Variants in GLDC observed in about 807,000 individuals in gnomAD.
The protein encoded by GLDC is glycine dehydrogenase (decarboxylating), mitochondrial.
In GLDC, 104 loss-of-function variants were observed where a neutral mutation model predicts 121.3. The observed-to-expected ratio is 0.86, with a 90% confidence interval of 0.73 to 1.01. The LOEUF (loss-of-function observed/expected upper bound fraction) is 1.01, where lower values mean the gene tolerates loss of function less well. Ranked by LOEUF, GLDC falls within the 50% of genes least tolerant of loss-of-function variation. The probability of loss-of-function intolerance (pLI) is 0.00; values close to 1 mark genes in which losing one functional copy is unlikely to be tolerated. For missense variants in GLDC, 1,429 were observed against 1,306.6 expected (o/e 1.09, Z -1.44); for synonymous variants, 546 against 480.6 (o/e 1.14, Z -1.78).
intron 15 of GLDC, chr9:6,566,301 T>C (rs964380061): frequency 6.6e-6 from 1 of 151,888 alleles, no homozygotes; most frequent in Non-Finnish European, 1.5e-5. Flanking sequence ...GAACTTCAGT[T>C]TTTTCCTTTT....
chr9:6,564,751 T>C (rs1220704926), intron 16 of GLDC, among the ~76,000 whole-genome samples: 1 of 152,172 alleles, frequency 6.6e-6, no homozygotes, highest in Admixed American at 6.5e-5. Context: ...GTGGTGTCCA[T>C]TAGTACCTGC....
rs60203144 is a variant in GLDC at position 6,629,957 on chromosome 9, A to ATTT, written c.335-9641_335-9639dup. 3.2e-3 allele frequency among the ~76,000 whole-genome samples: 264 copies of ATTT among 83,058 alleles called. 12 individuals are homozygous for ATTT. Among genetic ancestry groups the ATTT allele is most frequent in the South Asian group, 0.016 (40 of 2,570 alleles). 54.5% of individuals were successfully genotyped at this position (83,058 alleles called of 152,430 possible). Reference sequence around the variant, plus strand: ...TATATATATATATGTATATATATATATTTTTTTTTTTTAAGAGAGACAAGG... The same window carrying ATTT: ...TATATATATATATGTATATATATATATTTTTTTTTTTTTTTAAGAGAGACAAGG... On this transcript the variant is annotated intron_variant, in intron 2 of 24. Transcript: ENST00000321612.
intron 2 of GLDC, among the ~76,000 whole-genome samples, chr9:6,623,774 C>A (rs1284971538): frequency 6.6e-6 from 1 of 152,120 alleles, no homozygotes; most frequent in African/African-American, 2.4e-5. Context: ...AGTAAAAATG[C>A]AATAAACCCA....
At chr9:6,569,516 G>A (rs1383231524) in intron 15 of GLDC, among the ~76,000 whole-genome samples, 1 of 152,092 alleles carries the variant, frequency 6.6e-6, no homozygotes, top group African/African-American at 2.4e-5. Context: ...GCTGGGTGTG[G>A]TGGTGGGCAC....
chr9:6,592,762 T>C (rs779855483), intron 10 of GLDC, 89 bp downstream of exon 10: 28 of 1,332,878 alleles, frequency 2.1e-5, no homozygotes, highest in Non-Finnish European at 3.0e-5. Flanking sequence ...GTTTTCCTTT[T>C]TATTTTTTAA....
At chr9:6,602,319 G>C in intron 7 of GLDC, 114 bp from the exon 8 acceptor site, 1 of 729,084 alleles carries the variant, frequency 1.4e-6, no homozygotes, top group Non-Finnish European at 2.5e-6. Flanking sequence ...AAATGCACTT[G>C]GGTGCAAATT....
chr9:6,570,854 C>CAA lies in GLDC; in HGVS notation c.1851-5427_1851-5426dup, dbSNP rs34740127. On this transcript the variant is annotated intron_variant, in intron 15 of 24. Coordinates refer to ENST00000321612, the MANE Select transcript of GLDC (RefSeq NM_000170.3). Reference sequence around the variant, plus strand: ...GCGCAACAAGAGCAAAACTCTGTCTCAAAAAAAAAAAAAAAAAAAGTTTCT... The same window carrying CAA: ...GCGCAACAAGAGCAAAACTCTGTCTCAAAAAAAAAAAAAAAAAAAAAGTTTCT... Among the ~76,000 whole-genome samples the CAA allele has an allele frequency of 3.0e-3, 295 of 98,964 alleles. 4 individuals carry two copies. The highest frequency in any genetic ancestry group is 4.8e-3 in the African/African-American group (123 of 25,486). The allele number at this position is 98,964 out of a possible 152,430, so 64.9% of individuals were successfully genotyped here.
chr9:6,627,893 C>T (rs1819279105), intron 2 of GLDC, among the ~76,000 whole-genome samples: 1 of 152,218 alleles, frequency 6.6e-6, no homozygotes, highest in African/African-American at 2.4e-5. Flanking sequence ...CAGACCCACT[C>T]ATGAAATATC....
chr9:6,587,789 C>T (rs534106935), intron 14 of GLDC, among the ~76,000 whole-genome samples: 1 of 152,000 alleles, frequency 6.6e-6, no homozygotes, highest in Admixed American at 6.6e-5. Flanking sequence ...CACAGCAAGA[C>T]CTTGACTCTA....
intron 11 of GLDC, among the ~76,000 whole-genome samples, 160 bp from the exon 12 acceptor site, chr9:6,589,452 G>A (rs145140309): frequency 4.9e-4 from 74 of 151,956 alleles, no homozygotes; most frequent in African/African-American, 1.3e-3. Context: ...ATTTTTGGAG[G>A]CAGGGTCTTT....
chr9:6,615,919 G>A (rs893596446), intron 3 of GLDC, among the ~76,000 whole-genome samples: 2 of 151,182 alleles, frequency 1.3e-5, no homozygotes, highest in Non-Finnish European at 2.9e-5. Context: ...GGCCTAATCA[G>A]GATTTTCTTT....
chr9:6,603,631 C>G (rs113719228), intron 7 of GLDC, among the ~76,000 whole-genome samples: 1 of 152,064 alleles, frequency 6.6e-6, no homozygotes, highest in African/African-American at 2.4e-5. Context: ...ATGTTAAAGT[C>G]CAGCTTTTAT....
rs34948145 is a variant in GLDC at position 6,550,734 on chromosome 9, G to T, written c.2569+69C>A. 0.18 allele frequency: 159,308 copies of T among 896,808 alleles called. 15,515 individuals carry two copies. The highest frequency in any genetic ancestry group is 0.31 in the East Asian group (13,060 of 41,664). The allele number at this position is 896,808 out of a possible 1,614,324, so 55.6% of individuals were successfully genotyped here. On this transcript the variant is annotated intron_variant, in intron 21 of 24. Coordinates refer to ENST00000321612, the MANE Select transcript of GLDC (RefSeq NM_000170.3). ...AGTCTCTTGCCCATGTCAGAAAAGC[G>T]CATCTAGGTCAAACTTAGTTTGGCC...
chr9:6,645,292 G>A lies in GLDC; in HGVS notation c.208C>T (p.Pro70Ser). Residue 70 changes from proline (P) to serine (S), a missense_variant, in exon 1 of 25, where the codon CCT (proline) becomes TCT (serine). Coordinates refer to ENST00000321612, the MANE Select transcript of GLDC (RefSeq NM_000170.3). ...HDDFARRHIGPGDKDQREMLQ... is the reference protein window; with the variant it reads ...HDDFARRHIGSGDKDQREMLQ... ...ATCTCTCTCTGGTCTTTGTCCCCAG[G>A]GCCGATGTGCCTCCGAGCGAAGTCG... is the stretch of plus-strand genomic sequence containing the variant. 6.2e-7 allele frequency: 1 copy of A among 1,602,818 alleles called. No individual in the cohort carries two copies. Among genetic ancestry groups the A allele is most frequent in the Non-Finnish European group, 8.5e-7 (1 of 1,175,432 alleles).
intron 6 of GLDC, 109 bp from the exon 7 acceptor site, chr9:6,604,893 T>C (rs573076664): frequency 1.4e-4 from 128 of 942,878 alleles, no homozygotes; most frequent in Middle Eastern, 9.6e-4. Context: ...TGTGTTCACA[T>C]CCTGTGAACT....
intron 2 of GLDC, chr9:6,622,741 C>G (rs1033712889): frequency 4.8e-6 from 1 of 207,944 alleles, no homozygotes; most frequent in Non-Finnish European, 9.8e-6. Flanking sequence ...CCTGGCTGCC[C>G]AGTCTGGAAA....
chr9:6,571,917 T>C (rs1316809405), intron 15 of GLDC, among the ~76,000 whole-genome samples: 1 of 152,200 alleles, frequency 6.6e-6, no homozygotes, highest in African/African-American at 2.4e-5. Flanking sequence ...TACCCAACTA[T>C]TTTTGACAAA....
Position 6,610,310 on chromosome 9 carries a change from G to A in GLDC, c.517C>T (p.Leu173=), listed in dbSNP as rs755787032. 5.0e-6 allele frequency: 8 copies of A among 1,613,830 alleles called. No individual in the cohort carries two copies. In the East Asian group the frequency reaches 6.7e-5, roughly 13 times the overall value. ...PYQPEVSQGR[L]ESLLNYQTMV... ...GTCTGGTAGTTGAGTAAACTCTCCA[G>A]CCTCCCCTGAGACACCTCAGGCTGG... The change falls in exon 4 of 25, where the codon CTG becomes TTG. Residue 173 remains leucine (L), a synonymous_variant. Coordinates refer to ENST00000321612, the MANE Select transcript of GLDC (RefSeq NM_000170.3).
chr9:6,631,430 G>T (rs1228706486), intron 2 of GLDC, among the ~76,000 whole-genome samples: 1 of 152,198 alleles, frequency 6.6e-6, no homozygotes, highest in African/African-American at 2.4e-5. Flanking sequence ...TGGGGAGTGG[G>T]ACAAGGGATG....
Sources: allele counts gnomAD v4.1 joint callset (sites outside exome capture counted in the v4.1 genomes callset), GRCh38; gene constraint gnomAD v4.1.1; transcripts MANE v1.5; gene names NCBI Gene and HGNC (gene_info 2026-07-23, HGNC 2026-07-21).